The following KCNQ3 variants were observed in gnomAD, a reference collection of about 807,000 sequenced individuals.
KCNQ3 encodes the protein potassium voltage-gated channel subfamily Q member 3.
A neutral mutation model predicts 92.5 loss-of-function variants in KCNQ3; 30 were observed. The ratio of observed to expected loss-of-function variants is 0.32; its 90% CI spans 0.24 to 0.44. KCNQ3 has a LOEUF of 0.44. Among genes scored for constraint, KCNQ3 ranks in the 20% least tolerant of loss-of-function variants. The pLI, the probability that KCNQ3 is intolerant of heterozygous loss-of-function variation, is 1.00. For synonymous variants in KCNQ3, 450 were observed against 468.8 expected (o/e 0.96, Z 0.52); for missense variants, 913 against 1,140.3 (o/e 0.80, Z 2.87).
In KCNQ3 at chr8:132,182,045, C is replaced by CAA. The variant is rs796189262; in HGVS notation, c.605-1718_605-1717dup. The stretch of plus-strand genomic sequence containing the variant: ...GGGCGACAAGAGCGAGACTCCGTCT[C>CAA]AAAAAAAAAAAAACCATAAAAAACA... On this transcript the variant is annotated intron_variant, in intron 3 of 14. Coordinates refer to ENST00000388996, the MANE Select transcript of KCNQ3 (RefSeq NM_004519.4). 2.7e-3 allele frequency among the ~76,000 whole-genome samples: 245 copies of CAA among 91,472 alleles called. 2 individuals carry two copies. Among genetic ancestry groups the CAA allele is most frequent in the African/African-American group, 8.5e-3 (225 of 26,408 alleles). The allele number at this position is 91,472 out of a possible 152,430, so 60.0% of individuals were successfully genotyped here.
intron 8 of KCNQ3, among the ~76,000 whole-genome samples, chr8:132,164,192 T>C (rs1165364291): frequency 6.6e-6 from 1 of 152,100 alleles, no homozygotes; most frequent in African/African-American, 2.4e-5. Flanking sequence ...GGAACAGTCC[T>C]ACTCATCCTT....
intron 1 of KCNQ3, among the ~76,000 whole-genome samples, chr8:132,343,457 T>C (rs190263205): frequency 1.9e-3 from 292 of 152,280 alleles, no homozygotes; most frequent in African/African-American, 6.4e-3. Context: ...GAAGCCTCCA[T>C]AAGTGCTTAT....
At chr8:132,188,510 T>C (rs1827066913) in intron 1 of KCNQ3, among the ~76,000 whole-genome samples, 1 of 152,244 alleles carries the variant, frequency 6.6e-6, no homozygotes, top group Non-Finnish European at 1.5e-5. Flanking sequence ...TGCATCATGG[T>C]TTCCTTCTGT....
At chr8:132,182,001 T>C (rs571585677) in intron 3 of KCNQ3, among the ~76,000 whole-genome samples, 131 of 148,488 alleles carry the variant, frequency 8.8e-4, no homozygotes, top group African/African-American at 3.1e-3. Context: ...GCCGAGATCG[T>C]GCCACTGCAC....
intron 5 of KCNQ3, 126 bp from the exon 6 acceptor site, chr8:132,174,475 CT>C: frequency 1.3e-6 from 1 of 769,198 alleles, no homozygotes; most frequent in Non-Finnish European, 2.3e-6. Context: ...ACAAGGTTCC[CT>C]TAGGAGAAAA....
At chr8:132,391,797 T>A (rs1054121621) in intron 1 of KCNQ3, among the ~76,000 whole-genome samples, 2 of 152,150 alleles carry the variant, frequency 1.3e-5, no homozygotes, top group Non-Finnish European at 2.9e-5. Flanking sequence ...CCACATTCCA[T>A]GTGGGGAGCA....
At chr8:132,254,782 G>C (rs779769764) in intron 1 of KCNQ3, among the ~76,000 whole-genome samples, 8 of 152,156 alleles carry the variant, frequency 5.3e-5, no homozygotes, top group Non-Finnish European at 1.2e-4. Context: ...AGGAGGCTGA[G>C]GCAGGAGAAT....
intron 1 of KCNQ3, among the ~76,000 whole-genome samples, chr8:132,245,456 G>T (rs780074348): frequency 7.9e-5 from 12 of 152,070 alleles, no homozygotes; most frequent in Non-Finnish European, 1.8e-4. Flanking sequence ...GCCTATCCAT[G>T]CATCTAATGT....
chr8:132,394,883 T>G (rs1820152999), intron 1 of KCNQ3, among the ~76,000 whole-genome samples: 1 of 152,164 alleles, frequency 6.6e-6, no homozygotes, highest in Admixed American at 6.5e-5. Flanking sequence ...AGATGAACTG[T>G]GCTTCTGCCA....
chr8:132,156,802 G>A (rs1251142608), intron 9 of KCNQ3, among the ~76,000 whole-genome samples: 1 of 150,580 alleles, frequency 6.6e-6, no homozygotes, highest in African/African-American at 2.5e-5. Context: ...ATGGAATCAA[G>A]TAAAGATGAG....
At chr8:132,458,875 T>C (rs1474487544) in intron 1 of KCNQ3, among the ~76,000 whole-genome samples, 1 of 152,262 alleles carries the variant, frequency 6.6e-6, no homozygotes, top group East Asian at 1.9e-4. Flanking sequence ...TTACAACTAA[T>C]AAATCAATCC....
rs1285710862 is a variant in KCNQ3, at chr8:132,132,212, T to C, written c.1852A>G (p.Met618Val). The change falls in exon 14 of 15, where the codon ATG (methionine) becomes GTG (valine). Residue 618 changes from methionine to valine, a missense_variant. This residue lies in a region of KCNQ3 where 375 missense variants were observed against 376.4 expected (regional missense o/e 1.00). Coordinates refer to ENST00000388996, the MANE Select transcript of KCNQ3 (RefSeq NM_004519.4). ...TCAACTTTTACAAACTTCCCCATCA[T>C]GCTTTGGTCTTCGATTTCTGATGTG... ...PSTSEIEDQS[M>V]MGKFVKVERQ... 6.2e-7 allele frequency: 1 copy of C among 1,613,828 alleles called. No individual in the cohort carries two copies.
At chr8:132,426,774 G>A (rs1176336327) in intron 1 of KCNQ3, among the ~76,000 whole-genome samples, 1 of 152,152 alleles carries the variant, frequency 6.6e-6, no homozygotes, top group East Asian at 1.9e-4. Context: ...TCTCACTACA[G>A]GTACTCCCTG....
At chr8:132,154,199 T>TGTTTTTTTTTTTTTTG (rs1409850714) in intron 9 of KCNQ3, among the ~76,000 whole-genome samples, 1 of 35,942 alleles carries the variant, frequency 2.8e-5, no homozygotes, top group African/African-American at 1.5e-4. Flanking sequence ...AAAAGTTTTT[T>TGTTTTTTTTTTTTTTG]TTTTTTTTTT....
chr8:132,438,166 A>G (rs1034669139), intron 1 of KCNQ3, among the ~76,000 whole-genome samples: 12 of 152,236 alleles, frequency 7.9e-5, no homozygotes, highest in South Asian at 2.1e-4. Flanking sequence ...ACTGCTTTCT[A>G]TTATAAGGTG....
At chr8:132,223,664 G>A (rs1814309718) in intron 1 of KCNQ3, among the ~76,000 whole-genome samples, 1 of 152,146 alleles carries the variant, frequency 6.6e-6, no homozygotes, top group Admixed American at 6.6e-5. Context: ...CATGCATTTT[G>A]AGACACTCCC....
At chr8:132,180,820 G>GGA (rs1166437658) in intron 3 of KCNQ3, among the ~76,000 whole-genome samples, 2 of 138,620 alleles carry the variant, frequency 1.4e-5, no homozygotes, top group Non-Finnish European at 3.1e-5. Context: ...GACGGCAGAA[G>GGA]GAGAGAGAGA....
At chr8:132,309,808 C>A (rs1013118360) in intron 1 of KCNQ3, among the ~76,000 whole-genome samples, 1 of 152,234 alleles carries the variant, frequency 6.6e-6, no homozygotes, top group African/African-American at 2.4e-5. Context: ...TGAATCCCAG[C>A]TATCTCAGAG....
At chr8:132,382,300 T>C (rs929632219) in intron 1 of KCNQ3, among the ~76,000 whole-genome samples, 2 of 152,222 alleles carry the variant, frequency 1.3e-5, no homozygotes, top group African/African-American at 2.4e-5. Flanking sequence ...GCTGTCTTCA[T>C]AGTAATGAGT....
Sources: gnomAD v4.1 joint callset for allele counts (sites outside exome capture counted in the v4.1 genomes callset) on GRCh38, gnomAD v4.1.1 for gene constraint, gnomAD v4.1.1 regional missense constraint, MANE v1.5 for transcripts, NCBI Gene and HGNC (gene_info 2026-07-23, HGNC 2026-07-21) for gene names.